The following PCSK2 variants were observed in gnomAD, a reference collection of about 807,000 sequenced individuals.
The protein encoded by PCSK2 is proprotein convertase subtilisin/kexin type 2.
In PCSK2, 14 loss-of-function variants were observed where a neutral mutation model predicts 69.7. That is an observed-to-expected ratio of 0.20 (90% confidence interval 0.13 to 0.31). The LOEUF (loss-of-function observed/expected upper bound fraction) is 0.31, where lower values mean the gene tolerates loss of function less well. Ranked by LOEUF, PCSK2 falls within the 10% of genes least tolerant of loss-of-function variation. The probability of loss-of-function intolerance (pLI) is 1.00; values close to 1 mark genes in which losing one functional copy is unlikely to be tolerated. For missense variants in PCSK2, 544 were observed against 842.5 expected (o/e 0.65, Z 4.39); for synonymous variants, 307 against 320.7 (o/e 0.96, Z 0.46).
intron 1 of PCSK2, among the ~76,000 whole-genome samples, chr20:17,256,981 A>G (rs1474857116): frequency 6.6e-6 from 1 of 152,168 alleles, no homozygotes; most frequent in African/African-American, 2.4e-5. Context: ...ATAGCATTCC[A>G]TGGTGTATAT....
At chr20:17,415,763 C>T (rs528125806) in intron 6 of PCSK2, among the ~76,000 whole-genome samples, 11 of 152,286 alleles carry the variant, frequency 7.2e-5, no homozygotes, top group South Asian at 2.1e-4. Flanking sequence ...GGAGGCATCA[C>T]GCTACCTGAC....
chr20:17,476,450 G>A (rs2033291378), intron 11 of PCSK2, among the ~76,000 whole-genome samples: 1 of 152,146 alleles, frequency 6.6e-6, no homozygotes, highest in African/African-American at 2.4e-5. Context: ...GCCACATGTA[G>A]CCAGTGGCTA....
Position 17,481,995 on chromosome 20 carries a change from C to T in PCSK2, c.1842C>T (p.Ser614=), listed in dbSNP as rs751498479. 3 of 1,612,322 alleles carry T rather than the reference C, an allele frequency of 1.9e-6. No homozygotes were observed. Among genetic ancestry groups the T allele is most frequent in the Non-Finnish European group, 2.5e-6 (3 of 1,179,656 alleles). ...VRDYQSKLAM[S]KKEELEEELD... is the part of the protein sequence containing the mutation. Reference sequence around the variant, plus strand: ...ATTACCAGTCCAAGTTGGCCATGTCCAAGAAAGAGGAGCTGGAGGAAGAGC... The same window carrying T: ...ATTACCAGTCCAAGTTGGCCATGTCTAAGAAAGAGGAGCTGGAGGAAGAGC... Residue 614 remains serine, a synonymous_variant, in exon 12 of 12, where the codon TCC becomes TCT. Coordinates refer to ENST00000262545, the MANE Select transcript of PCSK2 (RefSeq NM_002594.5).
chr20:17,373,267 G>C (rs891279008), intron 5 of PCSK2, among the ~76,000 whole-genome samples: 1 of 152,216 alleles, frequency 6.6e-6, no homozygotes, highest in African/African-American at 2.4e-5. Flanking sequence ...TGGGCACTGA[G>C]GCTTAATCTC....
intron 2 of PCSK2, among the ~76,000 whole-genome samples, chr20:17,345,331 T>C (rs1990621452): frequency 6.6e-6 from 1 of 152,232 alleles, no homozygotes; most frequent in Non-Finnish European, 1.5e-5. Context: ...TGCTTCATTA[T>C]TCTCAACAAG....
intron 2 of PCSK2, among the ~76,000 whole-genome samples, chr20:17,287,032 A>G (rs1460648620): frequency 2.0e-5 from 3 of 152,244 alleles, no homozygotes; most frequent in African/African-American, 7.2e-5. Context: ...GTCTGGAGGC[A>G]GAATTCCCTC....
intron 5 of PCSK2, among the ~76,000 whole-genome samples, chr20:17,382,439 A>C (rs889879602): frequency 6.6e-6 from 1 of 152,174 alleles, no homozygotes; most frequent in African/African-American, 2.4e-5. Flanking sequence ...ACCATCTGTC[A>C]TGCTGCCTTC....
intron 7 of PCSK2, among the ~76,000 whole-genome samples, chr20:17,430,124 G>A (rs1385382469): frequency 6.6e-6 from 1 of 152,072 alleles, no homozygotes; most frequent in Non-Finnish European, 1.5e-5. Flanking sequence ...TCATTGGGTA[G>A]GATATTTAAG....
At chr20:17,248,674 T>C (rs1986856762) in intron 1 of PCSK2, among the ~76,000 whole-genome samples, 1 of 152,224 alleles carries the variant, frequency 6.6e-6, no homozygotes. Context: ...AAATTTTAGC[T>C]TTATGAGACC....
chr20:17,309,804 C>A (rs116870051), intron 2 of PCSK2, among the ~76,000 whole-genome samples: 12,483 of 146,482 alleles, frequency 0.085, 696 homozygotes, highest in South Asian at 0.29. Flanking sequence ...GGTGACAGAG[C>A]GAGACTCCAT....
chr20:17,263,796 G>A (rs926506894), intron 2 of PCSK2, among the ~76,000 whole-genome samples: 3 of 152,098 alleles, frequency 2.0e-5, no homozygotes, highest in East Asian at 1.9e-4. Context: ...ATTCACAGTC[G>A]TGGTACAGGC....
intron 11 of PCSK2, among the ~76,000 whole-genome samples, chr20:17,469,615 C>A (rs1481959922): frequency 6.6e-6 from 1 of 152,130 alleles, no homozygotes; most frequent in Non-Finnish European, 1.5e-5. Context: ...CCATCTAAAC[C>A]CAAACCCCAG....
intron 9 of PCSK2, among the ~76,000 whole-genome samples, chr20:17,455,470 G>T (rs2032902514): frequency 6.6e-6 from 1 of 152,148 alleles, no homozygotes; most frequent in South Asian, 2.1e-4. Context: ...CACATATTGG[G>T]TTGTCTTGAC....
intron 6 of PCSK2, among the ~76,000 whole-genome samples, chr20:17,417,484 AG>A (rs2032026069): frequency 6.6e-6 from 1 of 152,220 alleles, no homozygotes; most frequent in Admixed American, 6.5e-5. Flanking sequence ...TCATTTTCAA[AG>A]ATCCTCACGC....
At chr20:17,318,432 A>G (rs1160845359) in intron 2 of PCSK2, among the ~76,000 whole-genome samples, 1 of 152,226 alleles carries the variant, frequency 6.6e-6, no homozygotes, top group African/African-American at 2.4e-5. Flanking sequence ...CCAAAAAAAA[A>G]TGATGTTTTT....
At chr20:17,230,746 T>C (rs776069805) in intron 1 of PCSK2, among the ~76,000 whole-genome samples, 1 of 152,334 alleles carries the variant, frequency 6.6e-6, no homozygotes, top group East Asian at 1.9e-4. Flanking sequence ...ATATCTAGCA[T>C]GGTGGCCTGT....
At chr20:17,335,483 G>C (rs570456030) in intron 2 of PCSK2, among the ~76,000 whole-genome samples, 2 of 118,984 alleles carry the variant, frequency 1.7e-5, no homozygotes, top group South Asian at 5.9e-4. Context: ...GTTTTTATTT[G>C]TTTGCTTGTG....
intron 10 of PCSK2, among the ~76,000 whole-genome samples, chr20:17,457,306 A>G (rs1226878815): frequency 6.6e-6 from 1 of 152,244 alleles, no homozygotes; most frequent in Non-Finnish European, 1.5e-5. Context: ...CTAGGCAACC[A>G]GGGCTCCCAG....
intron 11 of PCSK2, among the ~76,000 whole-genome samples, chr20:17,472,086 G>C (rs1600607020): frequency 6.6e-6 from 1 of 152,210 alleles, no homozygotes; most frequent in East Asian, 1.9e-4. Context: ...GCTGTGACCA[G>C]CTGCACCAGC....
Sources: allele counts gnomAD v4.1 joint callset (sites outside exome capture counted in the v4.1 genomes callset), GRCh38; gene constraint gnomAD v4.1.1; transcripts MANE v1.5; gene names NCBI Gene and HGNC (gene_info 2026-07-23, HGNC 2026-07-21).